FLNB: variants seen among roughly 807,000 people sequenced by gnomAD.
The protein encoded by FLNB is filamin-B.
FLNB carries 111 observed loss-of-function variants against 250.6 expected under a neutral mutation model. That is an observed-to-expected ratio of 0.44 (90% confidence interval 0.38 to 0.52). The LOEUF (loss-of-function observed/expected upper bound fraction) is 0.52, where lower values mean the gene tolerates loss of function less well. Among genes scored for constraint, FLNB ranks in the 20% least tolerant of loss-of-function variants. FLNB has a pLI of 0.00. For missense variants in FLNB, 2,869 were observed against 3,447.8 expected (o/e 0.83, Z 4.20); for synonymous variants, 1,302 against 1,372.1 (o/e 0.95, Z 1.13).
intron 26 of FLNB, among the ~76,000 whole-genome samples, chr3:58,134,221 G>A (rs539726462): frequency 1.2e-4 from 18 of 152,310 alleles, no homozygotes; most frequent in African/African-American, 4.1e-4. Context: ...TCATAGGAGT[G>A]CGAACCCTAT....
intron 40 of FLNB, among the ~76,000 whole-genome samples, 185 bp downstream of exon 40, chr3:58,155,113 T>C (rs1271391149): frequency 6.6e-6 from 1 of 152,232 alleles, no homozygotes; most frequent in Non-Finnish European, 1.5e-5. Context: ...GGAACGCTTG[T>C]TCTGGTTGCC....
In FLNB at chr3:58,110,086, T is replaced by C; in HGVS notation, c.2400T>C (p.Ile800=). 6.2e-7 allele frequency: 1 copy of C among 1,613,998 alleles called. No homozygotes were observed. Among genetic ancestry groups the C allele is most frequent in the Non-Finnish European group, 8.5e-7 (1 of 1,179,906 alleles). The change falls in exon 16 of 46, where the codon ATT becomes ATC. Residue 800 remains isoleucine, a synonymous_variant. Coordinates refer to ENST00000295956, the MANE Select transcript of FLNB (RefSeq NM_001457.4). ...AGGAAGACGTGGATTTTGACATTAT[T>C]CACAATGCCAATGATACGTTCACAG... ...EDEEDVDFDI[I]HNANDTFTVK...
intron 1 of FLNB, among the ~76,000 whole-genome samples, chr3:58,038,452 T>C (rs1280221248): frequency 6.6e-6 from 1 of 151,878 alleles, no homozygotes; most frequent in Non-Finnish European, 1.5e-5. Context: ...TTTTTTTTTT[T>C]CCTGAGTTGG....
chr3:58,114,664 G>T (rs541685231), intron 18 of FLNB, among the ~76,000 whole-genome samples: 2 of 151,142 alleles, frequency 1.3e-5, no homozygotes, highest in South Asian at 4.2e-4. Flanking sequence ...GCATGCAAGG[G>T]TCCTGGTTTC....
chr3:58,154,902 G>T lies in FLNB; in HGVS notation c.6746G>T (p.Gly2249Val). The change falls in exon 40 of 46, where the codon GGT becomes GTT. Residue 2249 changes from glycine to valine, a missense_variant. Gly to Val is a moderately radical substitution (Grantham distance 109, BLOSUM62 -3). Transcript: ENST00000295956. The stretch of plus-strand genomic sequence containing the variant: ...GATGACCATAAAAATGGGTCGTGCG[G>T]TGTATCTTATATTGCCCAAGAGCCT... ...TFDDHKNGSC[G>V]VSYIAQEPGN... is the part of the protein sequence containing the mutation. The T allele has an allele frequency of 6.2e-7, 1 of 1,614,120 alleles. No homozygotes were observed.
chr3:58,041,257 C>T (rs563209884), intron 1 of FLNB, among the ~76,000 whole-genome samples: 150 of 152,312 alleles, frequency 9.8e-4, no homozygotes, highest in Middle Eastern at 3.4e-3. Flanking sequence ...TTACAATGAG[C>T]TTGCAGTATT....
chr3:58,040,022 C>G (rs1482287913), intron 1 of FLNB, among the ~76,000 whole-genome samples: 1 of 152,068 alleles, frequency 6.6e-6, no homozygotes, highest in African/African-American at 2.4e-5. Flanking sequence ...GCAGGTGCCT[C>G]TAATTGCAGC....
intron 4 of FLNB, among the ~76,000 whole-genome samples, chr3:58,088,136 C>T (rs1399705470): frequency 2.0e-5 from 3 of 150,924 alleles, no homozygotes; most frequent in Admixed American, 2.0e-4. Flanking sequence ...CCGCCTCTGC[C>T]TCCTGGGTTC....
chr3:58,133,214 C>T (rs557191292), intron 26 of FLNB, among the ~76,000 whole-genome samples: 1 of 152,268 alleles, frequency 6.6e-6, no homozygotes, highest in Admixed American at 6.5e-5. Context: ...TGTCACCACA[C>T]ACTAGCCTTG....
intron 42 of FLNB, among the ~76,000 whole-genome samples, chr3:58,161,189 G>A (rs1465298490): frequency 6.6e-6 from 1 of 152,078 alleles, no homozygotes; most frequent in Non-Finnish European, 1.5e-5. Context: ...GGAGAGGAGG[G>A]ACTTGAGGCC....
At chr3:58,140,812 T>C (rs1249601250) in intron 29 of FLNB, among the ~76,000 whole-genome samples, 1 of 152,202 alleles carries the variant, frequency 6.6e-6, no homozygotes, top group African/African-American at 2.4e-5. Context: ...TTTCACCATG[T>C]TGGCCAGGCT....
rs541142349 is a variant in FLNB, at chr3:58,060,356, T to C, written c.293-16690T>C. ...ACATGGTGAGACCCTGTCTCTCTTT[T>C]TTTTTTTTTTTTTTTGAGATGGAGT... On this transcript the variant is annotated intron_variant, in intron 1 of 45. Transcript: ENST00000295956. 8.3e-4 allele frequency among the ~76,000 whole-genome samples: 122 copies of C among 146,342 alleles called. 1 individual carries two copies. The highest frequency in any genetic ancestry group is 1.2e-3 in the African/African-American group (47 of 40,220).
intron 1 of FLNB, among the ~76,000 whole-genome samples, chr3:58,011,819 C>G (rs995291865): frequency 1.3e-5 from 2 of 152,216 alleles, no homozygotes; most frequent in East Asian, 1.9e-4. Flanking sequence ...TTCTGCAAGT[C>G]ACTTAGAGAG....
rs566615110 is a variant in FLNB, at chr3:58,008,748, A to G, written c.184A>G (p.Met62Val). ...GCTCGAGGTGCTCAGCCAGAAGCGC[A>G]TGTACCGCAAGTACCATCAGCGGCC... ...ALLEVLSQKR[M>V]YRKYHQRPTF... The change falls in exon 1 of 46, where the codon ATG becomes GTG. Residue 62 changes from methionine to valine, a missense_variant. Physicochemically the swap from Met to Val is conservative, Grantham distance 21. Transcript: ENST00000295956. 14 of 1,614,118 alleles carry G rather than the reference A, an allele frequency of 8.7e-6. No individual in the cohort carries two copies. The highest frequency in any genetic ancestry group is 1.2e-5 in the Non-Finnish European group (14 of 1,180,002).
Position 58,104,088 on chromosome 3 carries a change from G to A in FLNB, c.1610+3G>A. The stretch of plus-strand genomic sequence containing the variant: ...GGGGGACACCACATTCCAAAGAGGT[G>A]AGGCTCCTGCTGCAGAGGGGTCTTC... On this transcript the variant is annotated splice_donor_region_variant and intron_variant, in intron 10 of 45. Transcript: ENST00000295956. 6.2e-7 allele frequency: 1 copy of A among 1,613,634 alleles called. No individual in the cohort carries two copies. The highest frequency in any genetic ancestry group is 8.5e-7 in the Non-Finnish European group (1 of 1,179,954).
intron 1 of FLNB, among the ~76,000 whole-genome samples, chr3:58,075,562 T>A: frequency 6.6e-6 from 1 of 152,140 alleles, no homozygotes; most frequent in East Asian, 1.9e-4. Context: ...GTGCTGTGTA[T>A]GTTTAAGGAG....
In FLNB at chr3:58,123,345, A is replaced by G. The variant is rs1315210312; in HGVS notation, c.3379A>G (p.Ile1127Val). 3 of 1,614,070 alleles carry G rather than the reference A, an allele frequency of 1.9e-6. No homozygotes were observed. The highest frequency in any genetic ancestry group is 1.7e-5 in the Admixed American group (1 of 60,000). The change falls in exon 21 of 46, where the codon ATT (isoleucine) becomes GTT (valine). Residue 1127 changes from isoleucine to valine, a missense_variant. Coordinates refer to ENST00000295956, the MANE Select transcript of FLNB (RefSeq NM_001457.4). The part of the protein sequence containing the change: ...HIPGSPFKAD[I>V]EMPFDPSKVV... Reference sequence around the variant, plus strand: ...ACCTGGGTCTCCCTTCAAAGCTGACATTGAAATGCCCTTTGACCCCTCTAA... The same window carrying G: ...ACCTGGGTCTCCCTTCAAAGCTGACGTTGAAATGCCCTTTGACCCCTCTAA...
intron 4 of FLNB, among the ~76,000 whole-genome samples, chr3:58,088,752 C>A (rs1232477267): frequency 1.3e-5 from 2 of 152,222 alleles, no homozygotes; most frequent in Admixed American, 1.3e-4. Flanking sequence ...CAGGTCCACA[C>A]CATAGAAAAA....
intron 1 of FLNB, among the ~76,000 whole-genome samples, chr3:58,049,816 G>A (rs1055339796): frequency 2.6e-5 from 4 of 152,110 alleles, no homozygotes; most frequent in African/African-American, 7.2e-5. Context: ...GGGGAGGAGG[G>A]GTGGCTGATG....
Sources: gnomAD v4.1 joint callset for allele counts (sites outside exome capture counted in the v4.1 genomes callset) on GRCh38, gnomAD v4.1.1 for gene constraint, MANE v1.5 for transcripts, NCBI Gene and HGNC (gene_info 2026-07-23, HGNC 2026-07-21) for gene names.